ARHGAP10: variants seen among roughly 807,000 people sequenced by gnomAD.
The protein encoded by ARHGAP10 is Rho GTPase activating protein 10.
Under a neutral mutation model 108.6 loss-of-function variants are expected in ARHGAP10, and 87 were observed. The ratio of observed to expected loss-of-function variants is 0.80; its 90% CI spans 0.67 to 0.96. The LOEUF is 0.96. Ranked by LOEUF, ARHGAP10 falls within the 40% of genes least tolerant of loss-of-function variation. The pLI is 0.00. For missense variants in ARHGAP10, 939 were observed against 954.5 expected (o/e 0.98, Z 0.21); for synonymous variants, 347 against 341.1 (o/e 1.02, Z -0.19).
chr4:147,807,451 A>T (rs1192059140), intron 1 of ARHGAP10, among the ~76,000 whole-genome samples: 19 of 152,058 alleles, frequency 1.2e-4, no homozygotes, highest in East Asian at 1.9e-4. Flanking sequence ...TTTTTTTTTT[A>T]AATGTAGGAA....
At chr4:148,027,641 T>C (rs1031679139) in intron 19 of ARHGAP10, among the ~76,000 whole-genome samples, 4 of 152,168 alleles carry the variant, frequency 2.6e-5, no homozygotes, top group Non-Finnish European at 4.4e-5. Context: ...AGGACAAATA[T>C]GTCATATATA....
intron 13 of ARHGAP10, among the ~76,000 whole-genome samples, chr4:147,928,086 T>C (rs1183879405): frequency 6.6e-6 from 1 of 152,194 alleles, no homozygotes; most frequent in African/African-American, 2.4e-5. Context: ...ACCTGTAGTA[T>C]ACAGTCCATT....
At chr4:147,902,209 C>A (rs1287176484) in intron 10 of ARHGAP10, among the ~76,000 whole-genome samples, 1 of 152,084 alleles carries the variant, frequency 6.6e-6, no homozygotes, top group Non-Finnish European at 1.5e-5. Flanking sequence ...CATTTTGTAT[C>A]ATCCTTTTAG....
chr4:147,987,035 T>C (rs566551463), intron 18 of ARHGAP10, among the ~76,000 whole-genome samples: 11 of 152,342 alleles, frequency 7.2e-5, no homozygotes, highest in Middle Eastern at 3.4e-3. Context: ...TTATTGCGGA[T>C]TGAACTGAAT....
chr4:147,869,996 G>GTTTTT (rs10644018), intron 7 of ARHGAP10, among the ~76,000 whole-genome samples: 4 of 131,404 alleles, frequency 3.0e-5, no homozygotes, highest in Non-Finnish European at 4.8e-5. Flanking sequence ...AAAAGTCCCA[G>GTTTTT]TTTGTGTGTG....
At chr4:147,878,893 C>CA (rs1378676239) in intron 8 of ARHGAP10, among the ~76,000 whole-genome samples, 3 of 151,482 alleles carry the variant, frequency 2.0e-5, no homozygotes, top group Non-Finnish European at 4.4e-5. Flanking sequence ...TCTCCTGCCT[C>CA]AGCCTCCCGA....
At chr4:147,844,961 C>G (rs1280646473) in intron 3 of ARHGAP10, among the ~76,000 whole-genome samples, 4 of 152,168 alleles carry the variant, frequency 2.6e-5, no homozygotes, top group Non-Finnish European at 5.9e-5. Flanking sequence ...AAATGCTAAC[C>G]TTTCCCAGAG....
chr4:148,002,625 T>C (rs1740767385), intron 18 of ARHGAP10, among the ~76,000 whole-genome samples: 2 of 152,188 alleles, frequency 1.3e-5, no homozygotes, highest in Admixed American at 1.3e-4. Context: ...TTCAGCTTCT[T>C]CCTGGTTTAG....
At chr4:148,035,715 T>C (rs564067556) in intron 19 of ARHGAP10, among the ~76,000 whole-genome samples, 1 of 152,310 alleles carries the variant, frequency 6.6e-6, no homozygotes, top group South Asian at 2.1e-4. Flanking sequence ...AGTTATAACC[T>C]GCATCTCAGT....
chr4:147,732,922 A>G (rs995912069), intron 1 of ARHGAP10, among the ~76,000 whole-genome samples: 5 of 152,206 alleles, frequency 3.3e-5, no homozygotes, highest in Admixed American at 1.3e-4. Flanking sequence ...GGGAGTGTTG[A>G]GTTTTCCAGA....
At chr4:148,018,243 A>C (rs1272604214) in intron 18 of ARHGAP10, among the ~76,000 whole-genome samples, 1 of 152,154 alleles carries the variant, frequency 6.6e-6, no homozygotes, top group Non-Finnish European at 1.5e-5. Context: ...TCTTAGAACA[A>C]AGGCAATGAG....
chr4:147,999,557 A>AAC (rs1487186506), intron 18 of ARHGAP10, among the ~76,000 whole-genome samples: 1 of 152,204 alleles, frequency 6.6e-6, no homozygotes, highest in African/African-American at 2.4e-5. Context: ...GGATCAGGTT[A>AAC]AAGGCTTGCC....
At chr4:147,981,247 G>C (rs1289962444) in intron 18 of ARHGAP10, among the ~76,000 whole-genome samples, 2 of 152,082 alleles carry the variant, frequency 1.3e-5, no homozygotes, top group Non-Finnish European at 2.9e-5. Context: ...AGAGATTTTG[G>C]TATATTATGT....
At chr4:148,035,835 A>G (rs1440487165) in intron 19 of ARHGAP10, among the ~76,000 whole-genome samples, 1 of 152,194 alleles carries the variant, frequency 6.6e-6, no homozygotes. Flanking sequence ...GACTTAAGGA[A>G]GATTTTCTGA....
chr4:147,787,489 A>G (rs1445716138), intron 1 of ARHGAP10, among the ~76,000 whole-genome samples: 1 of 152,060 alleles, frequency 6.6e-6, no homozygotes, highest in African/African-American at 2.4e-5. Flanking sequence ...TTCTTGCCAG[A>G]CTGTGGAAGG....
intron 1 of ARHGAP10, among the ~76,000 whole-genome samples, chr4:147,733,679 A>G (rs1028617943): frequency 6.6e-6 from 1 of 152,220 alleles, no homozygotes; most frequent in Non-Finnish European, 1.5e-5. Context: ...TGTCTCGGGC[A>G]CCCAGCATGG....
intron 1 of ARHGAP10, among the ~76,000 whole-genome samples, chr4:147,756,523 C>T (rs1729377907): frequency 6.6e-6 from 1 of 152,152 alleles, no homozygotes; most frequent in African/African-American, 2.4e-5. Context: ...GAAAATAGTA[C>T]ATGAAAAATT....
chr4:147,834,420 T>C (rs35115631), intron 3 of ARHGAP10, among the ~76,000 whole-genome samples: 18,762 of 152,050 alleles, frequency 0.12, 1,223 homozygotes, highest in African/African-American at 0.17. Flanking sequence ...AGAGAGCTAT[T>C]ATTGTGCCAC....
At chr4:147,989,777 C>T (rs1020121040) in intron 18 of ARHGAP10, among the ~76,000 whole-genome samples, 1 of 152,244 alleles carries the variant, frequency 6.6e-6, no homozygotes, top group South Asian at 2.1e-4. Context: ...GCAATTATTA[C>T]AGGGTCCTGA....
Sources: allele counts gnomAD v4.1 joint callset (sites outside exome capture counted in the v4.1 genomes callset), GRCh38; gene constraint gnomAD v4.1.1; transcripts MANE v1.5; gene names NCBI Gene and HGNC (gene_info 2026-07-23, HGNC 2026-07-21).